The following SLIT3 variants were observed in gnomAD, a reference collection of about 807,000 sequenced individuals.
SLIT3 encodes the protein slit homolog 3 protein.
Under a neutral mutation model 184.0 loss-of-function variants are expected in SLIT3, and 68 were observed. That is an observed-to-expected ratio of 0.37 (90% confidence interval 0.30 to 0.45). The LOEUF (loss-of-function observed/expected upper bound fraction) is 0.45. Ranked by LOEUF, SLIT3 falls within the 20% of genes least tolerant of loss-of-function variation. The probability of loss-of-function intolerance (pLI) is 1.00; values close to 1 mark genes in which losing one functional copy is unlikely to be tolerated. For synonymous variants in SLIT3, 831 were observed against 828.6 expected (o/e 1.00, Z -0.05); for missense variants, 1,707 against 2,026.0 (o/e 0.84, Z 3.02).
At chr5:169,022,322 C>G (rs1411022856) in intron 4 of SLIT3, 1 of 152,180 alleles carries the variant, frequency 6.6e-6, no homozygotes, top group Non-Finnish European at 1.5e-5. Flanking sequence ...CCAAGGTGGA[C>G]AGACTTAGGT....
Position 168,681,319 on chromosome 5 carries a change from G to A in SLIT3, c.3686+2647C>T, listed in dbSNP as rs186969484. On this transcript the variant is annotated intron_variant, in intron 32 of 35. Coordinates refer to ENST00000519560, the MANE Select transcript of SLIT3 (RefSeq NM_003062.4). ...TTTAGCTCTGTGGCCCCTGCACCTA[G>A]CCCAGGGTCTGGCCCAAACATGGGG... Among the ~76,000 whole-genome samples, 531 of 152,312 alleles carry A rather than the reference G, an allele frequency of 3.5e-3. 3 individuals are homozygous for A. The highest frequency in any genetic ancestry group is 5.0e-3 in the Non-Finnish European group (343 of 68,028).
chr5:168,708,332 C>T (rs983216545), intron 25 of SLIT3: 4 of 589,822 alleles, frequency 6.8e-6, no homozygotes, highest in Non-Finnish European at 9.1e-6. Context: ...AGAAACACTT[C>T]TGCAGTCAAA....
At chr5:169,149,339 G>GT (rs777239863) in intron 4 of SLIT3, among the ~76,000 whole-genome samples, 1 of 117,356 alleles carries the variant, frequency 8.5e-6, no homozygotes, top group African/African-American at 3.6e-5. Context: ...TACAACATGG[G>GT]CTTTTTTTTT....
intron 1 of SLIT3, among the ~76,000 whole-genome samples, chr5:169,264,477 C>T (rs944492029): frequency 1.3e-5 from 2 of 152,078 alleles, no homozygotes; most frequent in African/African-American, 4.8e-5. Context: ...CGTGCCTGGC[C>T]GGAAGATGCT....
intron 4 of SLIT3, among the ~76,000 whole-genome samples, chr5:168,940,598 T>A (rs1310378207): frequency 2.0e-5 from 3 of 152,194 alleles, no homozygotes; most frequent in Non-Finnish European, 4.4e-5. Flanking sequence ...CATTGTATTA[T>A]GGGTATCAAC....
Position 168,666,485 on chromosome 5 carries a change from T to A in SLIT3, c.4541A>T (p.His1514Leu). 6.3e-7 allele frequency: 1 copy of A among 1,596,346 alleles called. No individual in the cohort carries two copies. The highest frequency in any genetic ancestry group is 1.1e-5 in the South Asian group (1 of 89,312). Residue 1514 changes from histidine to leucine, a missense_variant, in exon 36 of 36, where the codon CAC (histidine) becomes CTC (leucine). This residue lies in a region of SLIT3 where 387 missense variants were observed against 477.9 expected (regional missense o/e 0.81). Transcript: ENST00000519560. Reference protein sequence around the residue: ...GSSFVEEVERHLECGCLACS With the variant: ...GSSFVEEVERLLECGCLACS ...ACACGCGAGGCAGCCGCACTCTAAG[T>A]GTCTCTCCACCTCTTCTACAAACGA...
At chr5:169,238,356 T>A (rs1395588112) in intron 3 of SLIT3, among the ~76,000 whole-genome samples, 1 of 152,082 alleles carries the variant, frequency 6.6e-6, no homozygotes, top group Non-Finnish European at 1.5e-5. Context: ...TCAACTATTC[T>A]ATTACAGTTT....
At chr5:169,241,255 A>G (rs1383767007) in intron 3 of SLIT3, among the ~76,000 whole-genome samples, 1 of 152,228 alleles carries the variant, frequency 6.6e-6, no homozygotes, top group African/African-American at 2.4e-5. Context: ...AGTACTTCGT[A>G]GGTGATACTT....
At chr5:168,735,661 TACACACACACACACAC>T (rs150528782) in intron 20 of SLIT3, among the ~76,000 whole-genome samples, 321 of 142,168 alleles carry the variant, frequency 2.3e-3, no homozygotes, top group African/African-American at 6.0e-3. Flanking sequence ...GACAGATAGA[TACACACACACACACAC>T]ACACACACAC....
chr5:169,223,677 T>A (rs925913391), intron 3 of SLIT3, among the ~76,000 whole-genome samples: 1 of 152,212 alleles, frequency 6.6e-6, no homozygotes, highest in Non-Finnish European at 1.5e-5. Flanking sequence ...TTGAGCTTTT[T>A]AGGAGAGACC....
intron 4 of SLIT3, among the ~76,000 whole-genome samples, chr5:169,101,641 A>G (rs1334228897): frequency 6.6e-6 from 1 of 152,198 alleles, no homozygotes; most frequent in Admixed American, 6.5e-5. Context: ...TTCATTGCTA[A>G]AAGAATCTCT....
In SLIT3 at chr5:168,770,655, T is replaced by G. The variant is rs1271381438; in HGVS notation, c.1459+2126A>C. Among the ~76,000 whole-genome samples the G allele has an allele frequency of 4.5e-5, 5 of 111,952 alleles. No individual in the cohort carries two copies. The South Asian group carries it at 9.9e-4, about 22-fold the overall frequency. The allele number at this position is 111,952 out of a possible 152,430, so 73.4% of individuals were successfully genotyped here. On this transcript the variant is annotated intron_variant, in intron 14 of 35. Coordinates refer to ENST00000519560, the MANE Select transcript of SLIT3 (RefSeq NM_003062.4). The stretch of plus-strand genomic sequence containing the variant: ...TTAGGAATAATCTTTCGCTTAGCAT[T>G]GTTTTTTTTTTTAAAAAAGGTATCT...
Position 168,961,416 on chromosome 5 carries a change from A to G in SLIT3, c.414-78080T>C, listed in dbSNP as rs180964285. On this transcript the variant is annotated intron_variant, in intron 4 of 35. Transcript: ENST00000519560. ...AGACAGACTCTATGCTGTTTCTTGC[A>G]CCAAGACTGATGAGCAGGGTGAGAG... is the stretch of plus-strand genomic sequence containing the variant. Among the ~76,000 whole-genome samples, 60 of 152,360 alleles carry G rather than the reference A, an allele frequency of 3.9e-4. 1 individual carries two copies. Among genetic ancestry groups the G allele is most frequent in the African/African-American group, 1.4e-3 (59 of 41,600 alleles).
At chr5:169,131,927 T>C (rs916805010) in intron 4 of SLIT3, among the ~76,000 whole-genome samples, 2 of 152,188 alleles carry the variant, frequency 1.3e-5, no homozygotes, top group Non-Finnish European at 2.9e-5. Flanking sequence ...AGTATCACTT[T>C]TGTGTAGCAG....
At chr5:168,718,527 T>C (rs935596712) in intron 23 of SLIT3, among the ~76,000 whole-genome samples, 50 of 152,114 alleles carry the variant, frequency 3.3e-4, no homozygotes, top group Non-Finnish European at 1.9e-4. Flanking sequence ...TCCCCTAAGA[T>C]GGATGAAGAT....
intron 3 of SLIT3, among the ~76,000 whole-genome samples, chr5:169,208,957 G>A (rs945363785): frequency 1.3e-5 from 2 of 152,170 alleles, no homozygotes; most frequent in Non-Finnish European, 2.9e-5. Flanking sequence ...TGACAAATGG[G>A]ATCTAATTAA....
At chr5:169,205,655 GA>G (rs1311083626) in intron 3 of SLIT3, among the ~76,000 whole-genome samples, 2 of 152,198 alleles carry the variant, frequency 1.3e-5, no homozygotes, top group Non-Finnish European at 2.9e-5. Flanking sequence ...TTATCTAACA[GA>G]ATTACTGAGG....
intron 29 of SLIT3, among the ~76,000 whole-genome samples, chr5:168,690,668 C>G (rs1472041070): frequency 6.6e-6 from 1 of 152,164 alleles, no homozygotes; most frequent in Non-Finnish European, 1.5e-5. Flanking sequence ...TGAGGTATCT[C>G]TCACCCTTGT....
chr5:168,668,951 T>C (rs1281024106), intron 35 of SLIT3, among the ~76,000 whole-genome samples: 1 of 152,216 alleles, frequency 6.6e-6, no homozygotes, highest in Non-Finnish European at 1.5e-5. Flanking sequence ...GTATTTTTAG[T>C]AGAGACAGGG....
Sources: allele counts gnomAD v4.1 joint callset (sites outside exome capture counted in the v4.1 genomes callset), GRCh38; gene constraint gnomAD v4.1.1; regional missense constraint gnomAD v4.1.1; transcripts MANE v1.5; gene names NCBI Gene and HGNC (gene_info 2026-07-23, HGNC 2026-07-21).